The following KCNS3 variants were observed in gnomAD, a reference collection of about 807,000 sequenced individuals.
KCNS3 encodes potassium voltage-gated channel modifier subfamily S member 3.
In KCNS3, 13 loss-of-function variants were observed where a neutral mutation model predicts 31.0. That is an observed-to-expected ratio of 0.42 (90% confidence interval 0.27 to 0.67). KCNS3 has a LOEUF of 0.67. Among genes scored for constraint, KCNS3 ranks in the 30% least tolerant of loss-of-function variants. The pLI is 0.25. For missense variants in KCNS3, 545 were observed against 622.4 expected (o/e 0.88, Z 1.32); for synonymous variants, 238 against 241.5 (o/e 0.99, Z 0.13).
intron 1 of KCNS3, among the ~76,000 whole-genome samples, chr2:17,903,756 C>T (rs1305177381): frequency 6.6e-6 from 1 of 152,088 alleles, no homozygotes; most frequent in Non-Finnish European, 1.5e-5. Context: ...TGGTTTCCAG[C>T]TTCATCCATG....
chr2:17,893,672 C>A (rs1661912845), intron 1 of KCNS3, among the ~76,000 whole-genome samples: 1 of 152,184 alleles, frequency 6.6e-6, no homozygotes, highest in Non-Finnish European at 1.5e-5. Flanking sequence ...ACTTCTCCTG[C>A]AAACAGACCT....
intron 1 of KCNS3, chr2:17,879,306 C>A (rs1329866566): frequency 2.6e-5 from 4 of 152,284 alleles, no homozygotes; most frequent in Non-Finnish European, 5.9e-5. Flanking sequence ...GCTTCCCGGG[C>A]CGTCTGCTCC....
chr2:17,925,054 G>T (rs1662803180), intron 2 of KCNS3, among the ~76,000 whole-genome samples: 1 of 152,096 alleles, frequency 6.6e-6, no homozygotes, highest in African/African-American at 2.4e-5. Flanking sequence ...TTCTTCTTGA[G>T]TTAGTTTGTG....
intron 2 of KCNS3, among the ~76,000 whole-genome samples, chr2:17,918,162 C>T (rs1662632575): frequency 1.3e-5 from 2 of 152,216 alleles, no homozygotes; most frequent in African/African-American, 4.8e-5. Context: ...AATGACACTA[C>T]TGTTATTGTA....
intron 1 of KCNS3, among the ~76,000 whole-genome samples, chr2:17,912,936 AAGG>A (rs1428256261): frequency 3.9e-5 from 6 of 152,318 alleles, no homozygotes; most frequent in African/African-American, 1.4e-4. Context: ...ATATTAACTT[AAGG>A]TACTTCTTGA....
intron 2 of KCNS3, among the ~76,000 whole-genome samples, 157 bp downstream of exon 2, chr2:17,918,028 G>C (rs1662630823): frequency 6.6e-6 from 1 of 152,244 alleles, no homozygotes; most frequent in African/African-American, 2.4e-5. Flanking sequence ...GGGAAGAAAA[G>C]TGTTGGTCTC....
chr2:17,899,730 G>T (rs1449914085), intron 1 of KCNS3, among the ~76,000 whole-genome samples: 2 of 152,172 alleles, frequency 1.3e-5, no homozygotes, highest in Admixed American at 1.3e-4. Context: ...TTCCAGAAAA[G>T]TTATTTTGTA....
chr2:17,897,677 T>C (rs1055688437), intron 1 of KCNS3, among the ~76,000 whole-genome samples: 2 of 152,214 alleles, frequency 1.3e-5, no homozygotes, highest in African/African-American at 4.8e-5. Context: ...GATGTTAGTC[T>C]TCTGTCAGAT....
chr2:17,881,925 G>T (rs1674653508), intron 1 of KCNS3, among the ~76,000 whole-genome samples: 1 of 152,166 alleles, frequency 6.6e-6, no homozygotes, highest in Non-Finnish European at 1.5e-5. Context: ...ATTCTGCCCA[G>T]CTGGTTAGGA....
intron 1 of KCNS3, among the ~76,000 whole-genome samples, chr2:17,888,558 A>G (rs1307958712): frequency 6.7e-6 from 1 of 149,082 alleles, no homozygotes; most frequent in East Asian, 2.0e-4. Flanking sequence ...AACATGGCAC[A>G]TGTATACATA....
chr2:17,899,034 C>T (rs1033427171), intron 1 of KCNS3, among the ~76,000 whole-genome samples: 33 of 152,002 alleles, frequency 2.2e-4, no homozygotes, highest in Admixed American at 5.2e-4. Flanking sequence ...GAGACCATCC[C>T]GGCCAACATG....
At position 17,931,928 on chromosome 2, in the gene KCNS3, C is replaced by G. The variant is rs556337820; in HGVS notation, c.920C>G (p.Ser307Trp). The change falls in exon 3 of 3, where the codon TCG becomes TGG. Residue 307 changes from serine to tryptophan, a missense_variant. Ser to Trp is a radical substitution (Grantham distance 177). Coordinates refer to ENST00000304101, the MANE Select transcript of KCNS3 (RefSeq NM_002252.5). This position sits in a 1 kb window ranked among gnomAD's most constrained non-coding sequence, Gnocchi z 5.4. ...IFRILKLARH[S>W]VGLRSLGATL... ...CGAATTCTAAAGCTTGCCCGGCACT[C>G]GGTAGGACTTCGGTCTCTAGGTGCC... 1.9e-6 allele frequency: 3 copies of G among 1,613,994 alleles called. No homozygotes were observed. The highest frequency in any genetic ancestry group is 2.5e-6 in the Non-Finnish European group (3 of 1,180,038).
At chr2:17,928,819 T>C (rs1327079902) in intron 2 of KCNS3, among the ~76,000 whole-genome samples, 1 of 152,224 alleles carries the variant, frequency 6.6e-6, no homozygotes, top group East Asian at 1.9e-4. Context: ...ACACATCCTC[T>C]TTTGGCCTTT....
intron 1 of KCNS3, among the ~76,000 whole-genome samples, chr2:17,891,610 A>G (rs1661857608): frequency 6.6e-6 from 1 of 152,142 alleles, no homozygotes; most frequent in Admixed American, 6.6e-5. Flanking sequence ...CAGTTCTTAT[A>G]GTGGTGGCTT....
intron 1 of KCNS3, among the ~76,000 whole-genome samples, chr2:17,891,565 C>A (rs1303669288): frequency 7.2e-5 from 11 of 152,070 alleles, no homozygotes. Context: ...TGATGTGTTT[C>A]CAGGATTTGT....
intron 1 of KCNS3, among the ~76,000 whole-genome samples, chr2:17,898,207 G>T (rs1403467773): frequency 2.8e-5 from 4 of 145,226 alleles, no homozygotes; most frequent in African/African-American, 1.0e-4. Context: ...CTGTAGCCTT[G>T]TAGTATAGCT....
chr2:17,909,503 C>T (rs994836873), intron 1 of KCNS3, among the ~76,000 whole-genome samples: 4 of 152,220 alleles, frequency 2.6e-5, no homozygotes, highest in South Asian at 2.1e-4. Flanking sequence ...GAGATGAACC[C>T]GGTACCTCAG....
intron 1 of KCNS3, among the ~76,000 whole-genome samples, chr2:17,890,276 G>T (rs895560658): frequency 6.6e-6 from 1 of 151,966 alleles, no homozygotes; most frequent in African/African-American, 2.4e-5. Flanking sequence ...AATATTTCCT[G>T]CTTCGTTTCT....
At chr2:17,888,633 A>ATCTATATCTATC (rs1553341407) in intron 1 of KCNS3, among the ~76,000 whole-genome samples, 16 of 50,466 alleles carry the variant, frequency 3.2e-4, no homozygotes, top group East Asian at 2.3e-3. Flanking sequence ...AAAAATGTAT[A>ATCTATATCTATC]TATATATATA....
Sources: gnomAD v4.1 joint callset for allele counts (sites outside exome capture counted in the v4.1 genomes callset) on GRCh38, gnomAD v4.1.1 for gene constraint, Gnocchi (gnomAD v3.1) non-coding constraint, MANE v1.5 for transcripts, NCBI Gene and HGNC (gene_info 2026-07-23, HGNC 2026-07-21) for gene names.